The following RIMS1 variants were observed in gnomAD, a reference collection of about 807,000 sequenced individuals.
RIMS1 encodes regulating synaptic membrane exocytosis protein 1.
Under a neutral mutation model 214.1 loss-of-function variants are expected in RIMS1, and 83 were observed. That is an observed-to-expected ratio of 0.39 (90% CI 0.32 to 0.47). RIMS1 has a LOEUF of 0.47. RIMS1 is among the 20% of genes least tolerant of loss of function. The probability of loss-of-function intolerance (pLI) is 0.99; values close to 1 mark genes in which losing one functional copy is unlikely to be tolerated. For missense variants in RIMS1, 2,050 were observed against 2,161.8 expected (o/e 0.95, Z 1.03); for synonymous variants, 793 against 786.8 (o/e 1.01, Z -0.13).
At position 72,014,957 on chromosome 6, in the gene RIMS1, GTATTA is replaced by G. The variant is rs1221738718; in HGVS notation, c.245+45899_245+45903del. Reference sequence around the variant, plus strand: ...TTAGGTTATTTCTCTTTTTATTATTGTATTATATTGTTAACTGCTAGAGTATAGAA... The same window carrying G: ...TTAGGTTATTTCTCTTTTTATTATTGTATTGTTAACTGCTAGAGTATAGAA... On this transcript the variant is annotated intron_variant, in intron 2 of 33. Transcript: ENST00000521978. Among the ~76,000 whole-genome samples, 9 of 151,962 alleles carry G rather than the reference GTATTA, an allele frequency of 5.9e-5. No individual in the cohort carries two copies. The East Asian group carries it at 1.7e-3, about 29-fold the overall frequency.
chr6:71,913,935 C>T (rs1478651703), intron 1 of RIMS1, among the ~76,000 whole-genome samples: 1 of 152,098 alleles, frequency 6.6e-6, no homozygotes, highest in East Asian at 1.9e-4. Flanking sequence ...ATCTATAGCA[C>T]TACTAACCAA....
At chr6:71,948,375 T>C (rs372640241) in intron 1 of RIMS1, among the ~76,000 whole-genome samples, 21 of 152,308 alleles carry the variant, frequency 1.4e-4, no homozygotes, top group East Asian at 9.6e-4. Context: ...ATAAGTAACA[T>C]TGAATATTTC....
At position 71,958,334 on chromosome 6, in the gene RIMS1, T is replaced by G. The variant is rs533570444; in HGVS notation, c.165-10649T>G. Among the ~76,000 whole-genome samples, 22 of 152,254 alleles carry G rather than the reference T, an allele frequency of 1.4e-4. No individual in the cohort carries two copies. In the South Asian group the frequency reaches 3.5e-3, roughly 24 times the overall value. On this transcript the variant is annotated intron_variant, in intron 1 of 33. Coordinates refer to ENST00000521978, the MANE Select transcript of RIMS1 (RefSeq NM_014989.7). ...ACACTACCATTTCATATATTTCCAATGTAGACATTTCTTGAACTTTTTCCC... is the reference window on the plus strand; with the variant it reads ...ACACTACCATTTCATATATTTCCAAGGTAGACATTTCTTGAACTTTTTCCC...
intron 6 of RIMS1, among the ~76,000 whole-genome samples, chr6:72,188,943 C>T (rs899337302): frequency 5.3e-5 from 8 of 152,190 alleles, no homozygotes; most frequent in African/African-American, 1.7e-4. Flanking sequence ...TTAAAGGTAG[C>T]AGTGGCCAGG....
rs1283569150 is a variant in RIMS1 at position 72,179,839 on chromosome 6, G to A, written c.736G>A (p.Glu246Lys). 6.2e-7 allele frequency: 1 copy of A among 1,610,948 alleles called. No homozygotes were observed. The highest frequency in any genetic ancestry group is 8.5e-7 in the Non-Finnish European group (1 of 1,178,142). ...ACCACCAGACAGGAGCAAAGGGGCT[G>A]AGCCCTCGCAGCAAGCCTTGGGGCC... ...SAPPDRSKGA[E>K]PSQQALGPEQ... The change falls in exon 5 of 34, where the codon GAG (glutamate) becomes AAG (lysine). Residue 246 changes from glutamate (E) to lysine (K), a missense_variant. Coordinates refer to ENST00000521978, the MANE Select transcript of RIMS1 (RefSeq NM_014989.7).
At chr6:72,122,461 CT>C (rs2038598389) in intron 4 of RIMS1, among the ~76,000 whole-genome samples, 1 of 151,744 alleles carries the variant, frequency 6.6e-6, no homozygotes, top group African/African-American at 2.4e-5. Context: ...CCGCCTCGGC[CT>C]CCCAAAGTGC....
At chr6:72,111,002 C>T (rs1184437083) in intron 4 of RIMS1, among the ~76,000 whole-genome samples, 3 of 152,130 alleles carry the variant, frequency 2.0e-5, no homozygotes, top group African/African-American at 7.2e-5. Flanking sequence ...TATATTAGCA[C>T]TTCTTGTGTT....
intron 2 of RIMS1, among the ~76,000 whole-genome samples, chr6:72,038,985 T>G (rs1018220025): frequency 1.3e-5 from 2 of 152,144 alleles, no homozygotes; most frequent in African/African-American, 4.8e-5. Context: ...AAAAAATATT[T>G]CTTTTAATTA....
At chr6:72,005,648 C>T (rs1450935888) in intron 2 of RIMS1, among the ~76,000 whole-genome samples, 1 of 152,152 alleles carries the variant, frequency 6.6e-6, no homozygotes, top group Admixed American at 6.5e-5. Context: ...TATTACAGTA[C>T]TTCTGGAATT....
intron 22 of RIMS1, among the ~76,000 whole-genome samples, chr6:72,273,113 A>G (rs2084274055): frequency 6.6e-6 from 1 of 152,064 alleles, no homozygotes; most frequent in Non-Finnish European, 1.5e-5. Context: ...AAGTTTGTCT[A>G]TTTAAGATAG....
intron 19 of RIMS1, among the ~76,000 whole-genome samples, chr6:72,264,171 G>A (rs1221165068): frequency 6.6e-6 from 1 of 152,092 alleles, no homozygotes; most frequent in East Asian, 1.9e-4. Context: ...ACTGCTAGCT[G>A]AGATAGATGA....
chr6:72,381,194 C>T (rs1257219221), intron 29 of RIMS1, among the ~76,000 whole-genome samples: 2 of 152,130 alleles, frequency 1.3e-5, no homozygotes, highest in African/African-American at 4.8e-5. Flanking sequence ...AGGGTGGTCC[C>T]TCTTGTGCCG....
intron 18 of RIMS1, among the ~76,000 whole-genome samples, chr6:72,259,564 G>A (rs1165529209): frequency 1.3e-5 from 2 of 152,004 alleles, no homozygotes; most frequent in Admixed American, 6.6e-5. Context: ...CAATAATAAT[G>A]TTTCTGTTAT....
chr6:72,129,686 A>G (rs1587731979), intron 4 of RIMS1, among the ~76,000 whole-genome samples: 1 of 152,142 alleles, frequency 6.6e-6, no homozygotes, highest in African/African-American at 2.4e-5. Flanking sequence ...ATGGGACCCT[A>G]TGTGATTTAC....
chr6:72,324,509 A>G (rs2096356558), intron 28 of RIMS1, among the ~76,000 whole-genome samples: 1 of 151,970 alleles, frequency 6.6e-6, no homozygotes, highest in Admixed American at 6.6e-5. Context: ...AAGTAAAACA[A>G]CAAACAGATG....
chr6:72,347,667 AC>A (rs1172064108), intron 29 of RIMS1, among the ~76,000 whole-genome samples: 1 of 151,778 alleles, frequency 6.6e-6, no homozygotes, highest in African/African-American at 2.4e-5. Flanking sequence ...TATGCATCAG[AC>A]CTATCTTCCT....
At chr6:72,254,322 C>G (rs1017587020) in intron 16 of RIMS1, among the ~76,000 whole-genome samples, 1 of 152,042 alleles carries the variant, frequency 6.6e-6, no homozygotes, top group Non-Finnish European at 1.5e-5. Flanking sequence ...TTCACTTTTG[C>G]TCTCTGTTTT....
chr6:72,251,846 G>A (rs1215842985), intron 15 of RIMS1, among the ~76,000 whole-genome samples: 1 of 152,096 alleles, frequency 6.6e-6, no homozygotes, highest in Non-Finnish European at 1.5e-5. Context: ...GAGTAGCTAG[G>A]ATTACAGAAG....
In RIMS1 at chr6:72,296,435, CT is replaced by C. The variant is rs765583652; in HGVS notation, c.3850+4390del. 6.6e-4 allele frequency among the ~76,000 whole-genome samples: 101 copies of C among 152,026 alleles called. 1 individual carries two copies. Among genetic ancestry groups the C allele is most frequent in the Admixed American group, 1.7e-3 (26 of 15,202 alleles). ...CTGCAGTCATACATCTGAGAAGCTGCTGCCTAAATGTTACTTCTGTTTGCCT... is the reference window on the plus strand; with the variant it reads ...CTGCAGTCATACATCTGAGAAGCTGCGCCTAAATGTTACTTCTGTTTGCCT... On this transcript the variant is annotated intron_variant, in intron 26 of 33. Transcript: ENST00000521978.
Sources: gnomAD v4.1 joint callset for allele counts (sites outside exome capture counted in the v4.1 genomes callset) on GRCh38, gnomAD v4.1.1 for gene constraint, MANE v1.5 for transcripts, NCBI Gene and HGNC (gene_info 2026-07-23, HGNC 2026-07-21) for gene names.